RARB: variants seen among roughly 807,000 people sequenced by gnomAD.
RARB encodes retinoic acid receptor beta, also known as HBV-activated protein.
Under a neutral mutation model 51.9 loss-of-function variants are expected in RARB, and 17 were observed. The observed-to-expected ratio is 0.33, with a 90% CI of 0.22 to 0.49. The LOEUF (loss-of-function observed/expected upper bound fraction) is 0.49. Among genes scored for constraint, RARB ranks in the 20% least tolerant of loss-of-function variants. RARB has a pLI of 0.99. For synonymous variants in RARB, 215 were observed against 195.4 expected, an observed-to-expected ratio of 1.10 and a Z score of -0.84; for missense variants, 369 against 550.8, an observed-to-expected ratio of 0.67 and a Z score of 3.30.
intron 1 of RARB, among the ~76,000 whole-genome samples, chr3:24,850,808 A>G (rs1251754580): frequency 1.3e-5 from 2 of 152,178 alleles, no homozygotes; most frequent in African/African-American, 4.8e-5. Context: ...GAGGCCTGAA[A>G]TTCTGCATTT....
chr3:24,921,530 A>G (rs1294826630), intron 2 of RARB, among the ~76,000 whole-genome samples: 2 of 152,146 alleles, frequency 1.3e-5, no homozygotes, highest in African/African-American at 4.8e-5. Flanking sequence ...CCTTCTAACC[A>G]TGTGCCCTGT....
intron 3 of RARB, among the ~76,000 whole-genome samples, chr3:25,542,249 A>C (rs1255960614): frequency 1.6e-4 from 25 of 152,228 alleles, no homozygotes; most frequent in Admixed American, 1.6e-3. Flanking sequence ...CTTACAGGCC[A>C]TGTTTTTCCA....
At chr3:24,885,819 T>C (rs1250505318) in intron 2 of RARB, among the ~76,000 whole-genome samples, 3 of 152,202 alleles carry the variant, frequency 2.0e-5, no homozygotes, top group African/African-American at 7.2e-5. Flanking sequence ...ATGTTTCAAA[T>C]AGGCCAGCTG....
chr3:25,412,456 A>C (rs1187005457), intron 5 of RARB, among the ~76,000 whole-genome samples: 1 of 152,132 alleles, frequency 6.6e-6, no homozygotes, highest in African/African-American at 2.4e-5. Flanking sequence ...CCCAGCCCCC[A>C]ATATCTGACC....
intron 2 of RARB, among the ~76,000 whole-genome samples, chr3:24,972,143 C>T (rs1398509894): frequency 6.6e-6 from 1 of 151,938 alleles, no homozygotes; most frequent in East Asian, 1.9e-4. Context: ...TTCAGCCTAC[C>T]TTCCTCCCTA....
intron 5 of RARB, among the ~76,000 whole-genome samples, chr3:25,179,833 T>C (rs1408810954): frequency 6.6e-6 from 1 of 152,176 alleles, no homozygotes; most frequent in Admixed American, 6.5e-5. Flanking sequence ...TTGATGTTTC[T>C]ACAACTTCCC....
intron 3 of RARB, among the ~76,000 whole-genome samples, chr3:25,062,005 TAAGAAA>T (rs1559451886): frequency 6.6e-6 from 1 of 151,688 alleles, no homozygotes; most frequent in African/African-American, 2.4e-5. Context: ...GTTTTCAACT[TAAGAAA>T]ATAATAGTAG....
intron 2 of RARB, among the ~76,000 whole-genome samples, chr3:24,942,937 G>A (rs543814161): frequency 3.3e-5 from 5 of 152,030 alleles, no homozygotes; most frequent in Non-Finnish European, 5.9e-5. Context: ...AAATGTAAGA[G>A]AACCAAGGTA....
chr3:25,503,096 T>C (rs1415682599), intron 3 of RARB, among the ~76,000 whole-genome samples: 2 of 96,838 alleles, frequency 2.1e-5, no homozygotes, highest in African/African-American at 2.2e-4. Flanking sequence ...CTGCAGATCA[T>C]GGGTCACTTT....
intron 1 of RARB, among the ~76,000 whole-genome samples, chr3:25,448,569 G>A (rs1472186294): frequency 6.6e-6 from 1 of 152,112 alleles, no homozygotes; most frequent in East Asian, 1.9e-4. Flanking sequence ...CCAGGTTCAA[G>A]CAATTCTCCT....
At chr3:25,264,345 A>G (rs1703076316) in intron 5 of RARB, among the ~76,000 whole-genome samples, 1 of 151,698 alleles carries the variant, frequency 6.6e-6, no homozygotes, top group African/African-American at 2.4e-5. Flanking sequence ...CTTAATAGAC[A>G]TGATGGGCAA....
intron 2 of RARB, among the ~76,000 whole-genome samples, chr3:24,936,145 C>T (rs1695543724): frequency 6.6e-6 from 1 of 152,130 alleles, no homozygotes; most frequent in African/African-American, 2.4e-5. Flanking sequence ...GAAATTGTAT[C>T]ATTCCATCCA....
At chr3:25,534,104 G>A (rs1699037564) in intron 3 of RARB, among the ~76,000 whole-genome samples, 1 of 152,168 alleles carries the variant, frequency 6.6e-6, no homozygotes, top group Non-Finnish European at 1.5e-5. Flanking sequence ...GAGAATTAAA[G>A]GTTCAGTTTA....
Position 24,957,727 on chromosome 3 carries a change from T to C in RARB, c.-380+98975T>C, listed in dbSNP as rs769117173. Among the ~76,000 whole-genome samples, 115 of 152,208 alleles carry C rather than the reference T, an allele frequency of 7.6e-4. 2 individuals carry two copies. Among genetic ancestry groups the C allele is most frequent in the Non-Finnish European group, 7.5e-4 (51 of 68,040 alleles). ...TACTCAAATTTGACCTCAACTGTGT[T>C]CAACCAGCTGTCAGAAAAGGACAGT... is the stretch of plus-strand genomic sequence containing the variant. On this transcript the variant is annotated intron_variant, in intron 2 of 11. Transcript: ENST00000383772.
rs187170581 is a variant in RARB at position 25,198,772 on chromosome 3, C to G, written c.178+24197C>G. On this transcript the variant is annotated intron_variant, in intron 5 of 11. Transcript: ENST00000383772. ...TTACCCAAGTTAAAATGGCTTTTAT[C>G]CAAAAGTCAGGCAATAACAAATGCT... 2.9e-3 allele frequency among the ~76,000 whole-genome samples: 439 copies of G among 151,924 alleles called. 3 individuals carry two copies. Among genetic ancestry groups the G allele is most frequent in the African/African-American group, 9.7e-3 (403 of 41,470 alleles).
intron 2 of RARB, among the ~76,000 whole-genome samples, chr3:25,479,418 A>G (rs371274948): frequency 3.0e-4 from 45 of 152,120 alleles, no homozygotes; most frequent in African/African-American, 9.6e-4. Context: ...CATGAATTTT[A>G]TTTTTCTTTT....
At chr3:24,943,652 T>A (rs899748139) in intron 2 of RARB, among the ~76,000 whole-genome samples, 13 of 152,218 alleles carry the variant, frequency 8.5e-5, no homozygotes, top group African/African-American at 3.1e-4. Flanking sequence ...ATTGTCTTTA[T>A]TTGTCTAACT....
chr3:25,390,942 T>C (rs1706935823), intron 5 of RARB, among the ~76,000 whole-genome samples: 1 of 152,134 alleles, frequency 6.6e-6, no homozygotes, highest in Non-Finnish European at 1.5e-5. Context: ...CAGGCGGTGT[T>C]TGGTTACATG....
At chr3:24,844,970 C>G (rs1179883103) in intron 1 of RARB, among the ~76,000 whole-genome samples, 1 of 152,196 alleles carries the variant, frequency 6.6e-6, no homozygotes, top group Non-Finnish European at 1.5e-5. Context: ...CTTCAGCAAA[C>G]TCCTCTGTCC....
Sources: gnomAD v4.1 joint callset for allele counts (sites outside exome capture counted in the v4.1 genomes callset) on GRCh38, gnomAD v4.1.1 for gene constraint, MANE v1.5 for transcripts, NCBI Gene and HGNC (gene_info 2026-07-23, HGNC 2026-07-21) for gene names.